GALNT1: variants seen among roughly 807,000 people sequenced by gnomAD.
The protein encoded by GALNT1 is polypeptide N-acetylgalactosaminyltransferase 1.
A neutral mutation model predicts 65.7 loss-of-function variants in GALNT1; 17 were observed. The ratio of observed to expected loss-of-function variants is 0.26; its 90% CI spans 0.18 to 0.39. GALNT1 has a LOEUF of 0.39. Ranked by LOEUF, GALNT1 falls within the 10% of genes least tolerant of loss-of-function variation. GALNT1 has a pLI of 1.00. For synonymous variants in GALNT1, 210 were observed against 219.7 expected (o/e 0.96, Z 0.39); for missense variants, 460 against 672.8 (o/e 0.68, Z 3.50).
intron 1 of GALNT1, among the ~76,000 whole-genome samples, chr18:35,588,149 C>CTTG (rs1337132185): frequency 2.6e-5 from 4 of 152,110 alleles, no homozygotes; most frequent in Admixed American, 1.3e-4. Context: ...TGTGTCTTTG[C>CTTG]TTGTTTTTGT....
chr18:35,612,477 A>T (rs1189462445), intron 1 of GALNT1, among the ~76,000 whole-genome samples: 3 of 152,156 alleles, frequency 2.0e-5, no homozygotes, highest in Non-Finnish European at 4.4e-5. Context: ...TATTTGTTTA[A>T]TTTTTTTGAA....
rs542369628 is a variant in GALNT1, at chr18:35,653,908, C to G, written c.-103-652C>G. Among the ~76,000 whole-genome samples, 40 of 152,310 alleles carry G rather than the reference C, an allele frequency of 2.6e-4. No individual in the cohort carries two copies. The South Asian group carries it at 7.9e-3, about 30-fold the overall frequency. On this transcript the variant is annotated intron_variant, in intron 1 of 11. Transcript: ENST00000269195. ...ATACTTTTCTTTTCCATTATACTTT[C>G]CACGAATCTGTTTCCTGAATGATTG...
At chr18:35,600,459 G>A (rs1212534614) in intron 1 of GALNT1, among the ~76,000 whole-genome samples, 1 of 152,130 alleles carries the variant, frequency 6.6e-6, no homozygotes, top group African/African-American at 2.4e-5. Context: ...ATACCATGTT[G>A]TTGCAAACAA....
chr18:35,605,335 T>C (rs1181677320), intron 1 of GALNT1, among the ~76,000 whole-genome samples: 2 of 151,976 alleles, frequency 1.3e-5, no homozygotes, highest in African/African-American at 4.8e-5. Flanking sequence ...CCGTCTCTAC[T>C]AAAAATACAA....
chr18:35,656,547 C>T lies in GALNT1; in HGVS notation c.139+1746C>T, dbSNP rs77846062. Among the ~76,000 whole-genome samples, 1,110 of 152,240 alleles carry T rather than the reference C, an allele frequency of 7.3e-3. 14 individuals carry two copies. The highest frequency in any genetic ancestry group is 0.026 in the African/African-American group (1,063 of 41,520). On this transcript the variant is annotated intron_variant, in intron 2 of 11. Coordinates refer to ENST00000269195, the MANE Select transcript of GALNT1 (RefSeq NM_020474.4). ...GGTGTTTGTTAGGAGAGGAGAAGACCTTCCAAGCAAAGGAAAGAAGGATGT... is the reference window on the plus strand; with the variant it reads ...GGTGTTTGTTAGGAGAGGAGAAGACTTTCCAAGCAAAGGAAAGAAGGATGT...
intron 11 of GALNT1, 40 bp from the exon 12 acceptor site, chr18:35,709,584 G>A (rs1299758227): frequency 3.7e-6 from 6 of 1,605,632 alleles, no homozygotes; most frequent in Non-Finnish European, 5.1e-6. Flanking sequence ...GAGGTGTTTT[G>A]TTTTCTTCCA....
chr18:35,583,532 TG>T lies in GALNT1; in HGVS notation c.-104+1671del, dbSNP rs546412711. Among the ~76,000 whole-genome samples the T allele has an allele frequency of 4.2e-3, 643 of 152,332 alleles. 10 individuals are homozygous for T. The highest frequency in any genetic ancestry group is 0.021 in the Admixed American group (329 of 15,308). On this transcript the variant is annotated intron_variant, in intron 1 of 11. Transcript: ENST00000269195. ...GCTTCCTTTTCCAGCCATGTATCAC[TG>T]AAGACTTTACAGTGCCTGGTAAGCA...
Position 35,588,190 on chromosome 18 carries a change from G to A in GALNT1, c.-104+6328G>A, listed in dbSNP as rs144761167. 1.4e-3 allele frequency among the ~76,000 whole-genome samples: 208 copies of A among 152,224 alleles called. 1 individual carries two copies. Among genetic ancestry groups the A allele is most frequent in the African/African-American group, 4.5e-3 (189 of 41,544 alleles). On this transcript the variant is annotated intron_variant, in intron 1 of 11. Transcript: ENST00000269195. ...CATTCTATCAACTGTGGAGAGAGAA[G>A]GCCAGTTATTTTCTCTGGTTATGGG...
At chr18:35,679,726 T>C (rs571659681) in intron 4 of GALNT1, among the ~76,000 whole-genome samples, 4 of 150,510 alleles carry the variant, frequency 2.7e-5, no homozygotes, top group Admixed American at 6.6e-5. Flanking sequence ...TTTGTGGTTA[T>C]AATTTGCAGT....
At chr18:35,706,228 C>T (rs2048256153) in intron 11 of GALNT1, among the ~76,000 whole-genome samples, 2 of 151,982 alleles carry the variant, frequency 1.3e-5, no homozygotes, top group Non-Finnish European at 1.5e-5. Context: ...TAGAAAGAGC[C>T]GGCCGGGCGC....
At chr18:35,667,779 T>C (rs1476401487) in intron 3 of GALNT1, among the ~76,000 whole-genome samples, 1 of 152,192 alleles carries the variant, frequency 6.6e-6, no homozygotes, top group Non-Finnish European at 1.5e-5. Flanking sequence ...TGTTCTTCAG[T>C]TCCCTGTCCT....
At chr18:35,584,077 C>T (rs2046353668) in intron 1 of GALNT1, among the ~76,000 whole-genome samples, 1 of 152,098 alleles carries the variant, frequency 6.6e-6, no homozygotes, top group African/African-American at 2.4e-5. Flanking sequence ...TGTATTTTGA[C>T]ATCATGTTTC....
At position 35,692,326 on chromosome 18, in the gene GALNT1, A is replaced by G. The variant is rs1160971239; in HGVS notation, c.1299+6A>G. Reference sequence around the variant, plus strand: ...ACTATTTCTCATTGGGAGAGGTAAGAAATATATATATATATATTCTATGTG... The same window carrying G: ...ACTATTTCTCATTGGGAGAGGTAAGGAATATATATATATATATTCTATGTG... On this transcript the variant is annotated splice_donor_region_variant and intron_variant, in intron 9 of 11. Coordinates refer to ENST00000269195, the MANE Select transcript of GALNT1 (RefSeq NM_020474.4). 4 of 1,512,172 alleles carry G rather than the reference A, an allele frequency of 2.6e-6. No individual in the cohort carries two copies. Among genetic ancestry groups the G allele is most frequent in the Non-Finnish European group, 1.8e-6 (2 of 1,106,490 alleles). The allele number at this position is 1,512,172 out of a possible 1,614,324, so 93.7% of individuals were successfully genotyped here. A position where few individuals can be genotyped will look rare whatever the true frequency, so the allele number is the denominator to read the frequency against.
intron 9 of GALNT1, among the ~76,000 whole-genome samples, chr18:35,701,674 G>C (rs2048166442): frequency 1.3e-5 from 2 of 152,306 alleles, no homozygotes; most frequent in East Asian, 1.9e-4. Flanking sequence ...AATAAAAATA[G>C]GGATATCAGG....
intron 1 of GALNT1, among the ~76,000 whole-genome samples, chr18:35,599,114 T>A (rs2046544981): frequency 2.0e-5 from 3 of 152,002 alleles, no homozygotes; most frequent in Admixed American, 2.0e-4. Context: ...GTAATTCTGG[T>A]TATTAATCCT....
chr18:35,674,280 G>T (rs1400737238), intron 3 of GALNT1, among the ~76,000 whole-genome samples: 1 of 152,134 alleles, frequency 6.6e-6, no homozygotes, highest in Non-Finnish European at 1.5e-5. Flanking sequence ...AAGTAATTAC[G>T]CTAGTATGTT....
chr18:35,708,501 A>G (rs1457915438), intron 11 of GALNT1, among the ~76,000 whole-genome samples: 3 of 152,252 alleles, frequency 2.0e-5, no homozygotes, highest in African/African-American at 7.2e-5. Context: ...CATGAAAATG[A>G]AATGTTTCAG....
intron 1 of GALNT1, among the ~76,000 whole-genome samples, chr18:35,594,270 G>A (rs1188672221): frequency 1.3e-5 from 2 of 152,072 alleles, no homozygotes; most frequent in African/African-American, 4.8e-5. Context: ...CAAATAAAGA[G>A]TATTATCCTT....
intron 7 of GALNT1, 77 bp downstream of exon 7, chr18:35,689,367 CATAAAAA>C (rs2047919883): frequency 4.8e-6 from 4 of 829,868 alleles, no homozygotes; most frequent in Middle Eastern, 4.9e-4. Flanking sequence ...TGTATCTCTA[CATAAAAA>C]ATAAAAATTG....
Sources: allele counts gnomAD v4.1 joint callset (sites outside exome capture counted in the v4.1 genomes callset), GRCh38; gene constraint gnomAD v4.1.1; transcripts MANE v1.5; gene names NCBI Gene and HGNC (gene_info 2026-07-23, HGNC 2026-07-21).